The following NEMF variants were observed in gnomAD, a reference collection of about 807,000 sequenced individuals.
The protein encoded by NEMF is nuclear export mediator factor.
NEMF carries 89 observed loss-of-function variants against 162.2 expected under a neutral mutation model. The ratio of observed to expected loss-of-function variants is 0.55; its 90% confidence interval spans 0.46 to 0.65. The LOEUF is 0.65. NEMF is among the 30% of genes least tolerant of loss of function. The pLI is 0.00. For synonymous variants in NEMF, 421 were observed against 404.5 expected, an observed-to-expected ratio of 1.04 and a Z score of -0.49; for missense variants, 1,133 against 1,261.9, an observed-to-expected ratio of 0.90 and a Z score of 1.55.
At position 49,846,363 on chromosome 14, in the gene NEMF, A is replaced by G. The variant is rs527817690; in HGVS notation, c.232-98T>C. The G allele has an allele frequency of 5.3e-6, 6 of 1,132,686 alleles. No individual in the cohort carries two copies. In the South Asian group the frequency reaches 5.4e-5, roughly 10 times the overall value. The allele number at this position is 1,132,686 out of a possible 1,614,324, so 70.2% of individuals were successfully genotyped here. A position where few individuals can be genotyped will look rare whatever the true frequency, so the allele number is the denominator to read the frequency against. ...AAGCTTCTTTTCATTATCATCAGGA[A>G]TATTTAAAACGTTGTGAATAACAGT... is the stretch of plus-strand genomic sequence containing the variant. On this transcript the variant is annotated intron_variant, in intron 3 of 32. Coordinates refer to ENST00000298310, the MANE Select transcript of NEMF (RefSeq NM_004713.6).
chr14:49,817,981 A>G (rs1891801953), intron 16 of NEMF, among the ~76,000 whole-genome samples: 1 of 152,168 alleles, frequency 6.6e-6, no homozygotes, highest in Non-Finnish European at 1.5e-5. Context: ...AAACTACAGG[A>G]TAATCCTAGT....
chr14:49,825,432 G>A (rs1044575849), intron 16 of NEMF, among the ~76,000 whole-genome samples: 2 of 152,168 alleles, frequency 1.3e-5, no homozygotes, highest in African/African-American at 2.4e-5. Context: ...GCAGGCAATA[G>A]GAGTAAAGGT....
intron 18 of NEMF, among the ~76,000 whole-genome samples, chr14:49,810,239 G>A (rs942114657): frequency 6.6e-6 from 1 of 151,476 alleles, no homozygotes; most frequent in Admixed American, 6.6e-5. Context: ...GTGGTGGAGG[G>A]CGCCTGTAGT....
At chr14:49,838,799 T>C (rs1055611436) in intron 5 of NEMF, among the ~76,000 whole-genome samples, 1 of 152,158 alleles carries the variant, frequency 6.6e-6, no homozygotes, top group Non-Finnish European at 1.5e-5. Flanking sequence ...TTAGCCAGGA[T>C]GGTCTCAATC....
intron 18 of NEMF, among the ~76,000 whole-genome samples, chr14:49,810,404 G>C (rs1891421412): frequency 6.6e-6 from 1 of 151,936 alleles, no homozygotes; most frequent in Admixed American, 6.6e-5. Flanking sequence ...AAGAAAAAAA[G>C]AAAGAGGAAA....
intron 29 of NEMF, chr14:49,786,466 G>C: frequency 2.0e-6 from 1 of 494,702 alleles, no homozygotes; most frequent in Non-Finnish European, 3.6e-6. Flanking sequence ...ACATACATTA[G>C]TTATCAAAAC....
intron 19 of NEMF, among the ~76,000 whole-genome samples, chr14:49,803,604 T>C (rs7155106): frequency 1 from 151,415 of 151,982 alleles, 75,428 homozygotes; most frequent in Middle Eastern, 1. Flanking sequence ...CGGCTCACTG[T>C]AACCTCCACC....
chr14:49,823,961 G>A (rs1203075281), intron 16 of NEMF, among the ~76,000 whole-genome samples: 5 of 152,028 alleles, frequency 3.3e-5, no homozygotes, highest in African/African-American at 1.2e-4. Flanking sequence ...TTGAGGCCAA[G>A]AGTTAAGAGA....
intron 22 of NEMF, among the ~76,000 whole-genome samples, chr14:49,802,183 G>A (rs532683098): frequency 2.3e-4 from 35 of 151,604 alleles, no homozygotes; most frequent in Admixed American, 4.0e-4. Flanking sequence ...CTGAGCTCTA[G>A]CAATCCACCT....
rs144428885 is a variant in NEMF at position 49,843,597 on chromosome 14, G to A, written c.357+2543C>T. Among the ~76,000 whole-genome samples, 400 of 152,350 alleles carry A rather than the reference G, an allele frequency of 2.6e-3. 2 individuals carry two copies. Among genetic ancestry groups the A allele is most frequent in the African/African-American group, 8.9e-3 (371 of 41,584 alleles). On this transcript the variant is annotated intron_variant, in intron 4 of 32. Transcript: ENST00000298310. ...AATGCATTTAGGCAACTTCGATGTCGTGTGAACGTAATAGAGTATACTTAC... is the reference window on the plus strand; with the variant it reads ...AATGCATTTAGGCAACTTCGATGTCATGTGAACGTAATAGAGTATACTTAC...
intron 5 of NEMF, chr14:49,839,410 G>T (rs76178608): frequency 6.8e-6 from 1 of 147,518 alleles, no homozygotes; most frequent in African/African-American, 2.4e-5. Context: ...ATGTAGACTA[G>T]TTAAGTGAAG....
chr14:49,832,346 T>C (rs75577690), intron 8 of NEMF, 69 bp from the exon 9 acceptor site: 5 of 1,026,964 alleles, frequency 4.9e-6, no homozygotes, highest in Non-Finnish European at 7.3e-6. Flanking sequence ...TTTTTTTTTT[T>C]TGATACAGTC....
chr14:49,815,922 C>T (rs913991597), intron 16 of NEMF, among the ~76,000 whole-genome samples: 3 of 151,960 alleles, frequency 2.0e-5, no homozygotes, highest in African/African-American at 7.3e-5. Flanking sequence ...TGAGATGGCA[C>T]CCCTGCACTC....
At chr14:49,813,147 A>G (rs1189265690) in intron 18 of NEMF, among the ~76,000 whole-genome samples, 2 of 152,160 alleles carry the variant, frequency 1.3e-5, no homozygotes, top group Non-Finnish European at 2.9e-5. Flanking sequence ...ATACAGGGTG[A>G]GCACCCCAAA....
At chr14:49,803,872 C>T (rs1020156531) in intron 19 of NEMF, among the ~76,000 whole-genome samples, 3 of 152,070 alleles carry the variant, frequency 2.0e-5, no homozygotes, top group Middle Eastern at 3.2e-3. Context: ...CCACTCATCT[C>T]TTCCAGCATG....
At chr14:49,830,168 A>G (rs1248882953) in intron 11 of NEMF, among the ~76,000 whole-genome samples, 1 of 152,210 alleles carries the variant, frequency 6.6e-6, no homozygotes, top group Non-Finnish European at 1.5e-5. Flanking sequence ...TAAAATTTAG[A>G]TAAGAATGAT....
intron 26 of NEMF, among the ~76,000 whole-genome samples, chr14:49,794,239 T>G (rs184442911): frequency 6.6e-6 from 1 of 152,294 alleles, no homozygotes; most frequent in East Asian, 1.9e-4. Context: ...TCTCAAGCAT[T>G]ACTCCTTCCA....
intron 6 of NEMF, among the ~76,000 whole-genome samples, chr14:49,834,949 G>A (rs910508873): frequency 1.2e-4 from 19 of 152,108 alleles, no homozygotes; most frequent in African/African-American, 3.6e-4. Context: ...CTATAATCCC[G>A]GCACTTTGGG....
chr14:49,827,379 G>T (rs982358007), intron 15 of NEMF, among the ~76,000 whole-genome samples: 5 of 152,026 alleles, frequency 3.3e-5, no homozygotes, highest in African/African-American at 9.7e-5. Context: ...TAGATATGGG[G>T]TTTCACCATG....
Sources: allele counts gnomAD v4.1 joint callset (sites outside exome capture counted in the v4.1 genomes callset), GRCh38; gene constraint gnomAD v4.1.1; transcripts MANE v1.5; gene names NCBI Gene and HGNC (gene_info 2026-07-23, HGNC 2026-07-21).